DNAJC3: variants seen among roughly 807,000 people sequenced by gnomAD.
DNAJC3 encodes DnaJ heat shock protein family (Hsp40) member C3.
In DNAJC3, 38 loss-of-function variants were observed where a neutral mutation model predicts 68.6. The observed-to-expected ratio is 0.55, with a 90% CI of 0.43 to 0.73. The LOEUF (loss-of-function observed/expected upper bound fraction) is 0.73. DNAJC3 is among the 30% of genes least tolerant of loss of function. The pLI is 0.00. For missense variants in DNAJC3, 526 were observed against 591.9 expected (o/e 0.89, Z 1.16); for synonymous variants, 203 against 204.0 (o/e 1.00, Z 0.04).
At chr13:95,741,427 A>G (rs1882139785) in intron 4 of DNAJC3, among the ~76,000 whole-genome samples, 1 of 152,176 alleles carries the variant, frequency 6.6e-6, no homozygotes, top group Non-Finnish European at 1.5e-5. Context: ...ATGTCAGATA[A>G]GCCAGTTCTT....
rs1183314901 is a variant in DNAJC3, at chr13:95,740,398, C to G, written c.393+15146C>G. Among the ~76,000 whole-genome samples, 9 of 152,296 alleles carry G rather than the reference C, an allele frequency of 5.9e-5. 1 individual carries two copies. Among genetic ancestry groups the G allele is most frequent in the African/African-American group, 2.2e-4 (9 of 41,594 alleles). On this transcript the variant is annotated intron_variant, in intron 4 of 11. Transcript: ENST00000602402. ...AGCAAGCCTGGGCAATGGCGGGCGC[C>G]CCTCCCCCAGCCTCGCTGCCGCCTT... is the stretch of plus-strand genomic sequence containing the variant.
intron 1 of DNAJC3, among the ~76,000 whole-genome samples, chr13:95,688,491 T>C (rs1339578114): frequency 1.3e-5 from 2 of 151,756 alleles, no homozygotes; most frequent in Non-Finnish European, 2.9e-5. Context: ...TACAGGGGTG[T>C]TGGATTTCAT....
chr13:95,727,794 CAT>C (rs1199721332), intron 4 of DNAJC3, among the ~76,000 whole-genome samples: 1 of 152,154 alleles, frequency 6.6e-6, no homozygotes, highest in African/African-American at 2.4e-5. Flanking sequence ...TACTTTATCA[CAT>C]GTGTTGGTTC....
At chr13:95,760,849 G>A in intron 7 of DNAJC3, 51 bp downstream of exon 7, 6 of 1,581,152 alleles carry the variant, frequency 3.8e-6, no homozygotes, top group Non-Finnish European at 4.3e-6. Flanking sequence ...GTGCGGGGCT[G>A]TGGGCACAAG....
At chr13:95,707,088 A>G (rs1380013996) in intron 1 of DNAJC3, among the ~76,000 whole-genome samples, 3 of 152,170 alleles carry the variant, frequency 2.0e-5, no homozygotes, top group East Asian at 1.9e-4. Flanking sequence ...GTTCCACTTC[A>G]GATCATCAGG....
chr13:95,694,362 A>G (rs1252099053), intron 1 of DNAJC3: 2 of 152,642 alleles, frequency 1.3e-5, no homozygotes, highest in Non-Finnish European at 2.9e-5. Flanking sequence ...AAGCCCCACC[A>G]TAATTCAACA....
chr13:95,736,707 A>C (rs1305237441), intron 4 of DNAJC3, among the ~76,000 whole-genome samples: 2 of 149,240 alleles, frequency 1.3e-5, no homozygotes, highest in Non-Finnish European at 3.0e-5. Flanking sequence ...TTATCAGCTT[A>C]AGGAGATTTT....
At position 95,757,860 on chromosome 13, in the gene DNAJC3, TC is replaced by T. The variant is rs1335137158; in HGVS notation, c.546+65del. 8 of 1,436,294 alleles carry T rather than the reference TC, an allele frequency of 5.6e-6. No individual in the cohort carries two copies. In the East Asian group the frequency reaches 1.8e-4, roughly 33 times the overall value. 89.0% of individuals were successfully genotyped at this position (1,436,294 alleles called of 1,614,324 possible). On this transcript the variant is annotated intron_variant, in intron 5 of 11. Coordinates refer to ENST00000602402, the MANE Select transcript of DNAJC3 (RefSeq NM_006260.5). ...TTATTGTAAGGCACATTTATATACTTCGACATGTCACATACCACAAAGACCT... is the reference window on the plus strand; with the variant it reads ...TTATTGTAAGGCACATTTATATACTTGACATGTCACATACCACAAAGACCT...
At chr13:95,683,512 A>T (rs1450617898) in intron 1 of DNAJC3, among the ~76,000 whole-genome samples, 2 of 152,170 alleles carry the variant, frequency 1.3e-5, no homozygotes, top group Non-Finnish European at 2.9e-5. Context: ...TGGCCATGTG[A>T]AGATGTGCCT....
At chr13:95,785,797 G>T (rs77319421) in intron 9 of DNAJC3, 142 bp from the exon 10 acceptor site, 28 of 626,360 alleles carry the variant, frequency 4.5e-5, no homozygotes, top group Non-Finnish European at 6.6e-5. Context: ...TACTAACGGG[G>T]TATCACTTAA....
Position 95,711,030 on chromosome 13 carries a change from A to C in DNAJC3, c.193+1693A>C, listed in dbSNP as rs115625978. ...AAGATACAGCTGTGCTCCCAGAAAA[A>C]CTATCATCCTATTGTTGTAATTTAC... is the stretch of plus-strand genomic sequence containing the variant. On this transcript the variant is annotated intron_variant, in intron 2 of 11. Transcript: ENST00000602402. Among the ~76,000 whole-genome samples the C allele has an allele frequency of 1.1e-3, 163 of 152,116 alleles. 1 individual carries two copies. Among genetic ancestry groups the C allele is most frequent in the African/African-American group, 3.8e-3 (157 of 41,490 alleles).
At chr13:95,703,864 A>C (rs1216677148) in intron 1 of DNAJC3, among the ~76,000 whole-genome samples, 1 of 151,872 alleles carries the variant, frequency 6.6e-6, no homozygotes, top group Non-Finnish European at 1.5e-5. Context: ...GTGACTCATA[A>C]ACTTTCCTTC....
chr13:95,700,871 T>C (rs1322987840), intron 1 of DNAJC3, among the ~76,000 whole-genome samples: 1 of 152,218 alleles, frequency 6.6e-6, no homozygotes, highest in Non-Finnish European at 1.5e-5. Context: ...GGTTTCCTTC[T>C]TCCTCTCTGG....
At chr13:95,775,611 A>G (rs186586258) in intron 9 of DNAJC3, among the ~76,000 whole-genome samples, 5 of 152,316 alleles carry the variant, frequency 3.3e-5, no homozygotes, top group Non-Finnish European at 5.9e-5. Context: ...AGTATGTGTT[A>G]GTATACTTTT....
rs200633474 is a variant in DNAJC3, at chr13:95,786,009, A to G, written c.1146A>G (p.Lys382=). The G allele has an allele frequency of 2.2e-5, 36 of 1,612,376 alleles. No homozygotes were observed. The South Asian group carries it at 3.6e-4, about 16-fold the overall frequency. The part of the protein sequence containing the change: ...NDQQIREGLE[K]AQRLLKQSQK... ...AGCAGATTCGAGAAGGTCTAGAGAA[A>G]GCACAAAGATTATTGAAACAGTCGC... is the stretch of plus-strand genomic sequence containing the variant. The change falls in exon 10 of 12, where the codon AAA becomes AAG. Residue 382 remains lysine, a synonymous_variant. Coordinates refer to ENST00000602402, the MANE Select transcript of DNAJC3 (RefSeq NM_006260.5).
chr13:95,729,895 G>A (rs1881658717), intron 4 of DNAJC3, among the ~76,000 whole-genome samples: 2 of 152,022 alleles, frequency 1.3e-5, no homozygotes, highest in African/African-American at 4.8e-5. Context: ...TGTATATTCT[G>A]TATATTAGTT....
chr13:95,789,308 C>G (rs1010290314), intron 11 of DNAJC3, among the ~76,000 whole-genome samples: 2 of 152,152 alleles, frequency 1.3e-5, no homozygotes, highest in African/African-American at 4.8e-5. Context: ...TCCCTCCTCC[C>G]ACCCTTCACC....
rs1359420907 is a variant in DNAJC3, at chr13:95,773,731, C to CTCTTTT, written c.1075+9779_1075+9780insCTTTTT. On this transcript the variant is annotated intron_variant, in intron 9 of 11. Coordinates refer to ENST00000602402, the MANE Select transcript of DNAJC3 (RefSeq NM_006260.5). Reference sequence around the variant, plus strand: ...ACAAAGTTTGGTCAATTTTGTTGGTCTTTTTTTTTTTTTTTTTTTTTTTTG... The same window carrying CTCTTTT: ...ACAAAGTTTGGTCAATTTTGTTGGTCTCTTTTTTTTTTTTTTTTTTTTTTTTTTTTG... Among the ~76,000 whole-genome samples the CTCTTTT allele has an allele frequency of 1.4e-3, 102 of 71,350 alleles. 1 individual carries two copies. The highest frequency in any genetic ancestry group is 5.5e-3 in the African/African-American group (96 of 17,472). The allele number at this position is 71,350 out of a possible 152,430, so 46.8% of individuals were successfully genotyped here.
chr13:95,684,612 A>G (rs982916926), intron 1 of DNAJC3, among the ~76,000 whole-genome samples: 2 of 152,224 alleles, frequency 1.3e-5, no homozygotes, highest in African/African-American at 4.8e-5. Flanking sequence ...AAGTGCTGAT[A>G]GCCAAGACAA....
Sources: gnomAD v4.1 joint callset for allele counts (sites outside exome capture counted in the v4.1 genomes callset) on GRCh38, gnomAD v4.1.1 for gene constraint, MANE v1.5 for transcripts, NCBI Gene and HGNC (gene_info 2026-07-23, HGNC 2026-07-21) for gene names.